The following HECW1 variants were observed in gnomAD, a reference collection of about 807,000 sequenced individuals.
HECW1 encodes the protein E3 ubiquitin-protein ligase HECW1.
A neutral mutation model predicts 182.3 loss-of-function variants in HECW1; 61 were observed. The ratio of observed to expected loss-of-function variants is 0.33; its 90% CI spans 0.27 to 0.41. The LOEUF (loss-of-function observed/expected upper bound fraction) is 0.41, where lower values mean the gene tolerates loss of function less well. HECW1 is among the 10% of genes least tolerant of loss of function. The pLI, the probability that HECW1 is intolerant of heterozygous loss-of-function variation, is 1.00. For synonymous variants in HECW1, 859 were observed against 832.6 expected (o/e 1.03, Z -0.55); for missense variants, 1,739 against 2,108.9 (o/e 0.82, Z 3.44).
At chr7:43,370,023 G>A (rs911088660) in intron 6 of HECW1, among the ~76,000 whole-genome samples, 1 of 152,164 alleles carries the variant, frequency 6.6e-6, no homozygotes, top group Non-Finnish European at 1.5e-5. Flanking sequence ...AAATGCAACG[G>A]CCAATAAACA....
chr7:43,452,558 A>G (rs1158735704), intron 12 of HECW1, among the ~76,000 whole-genome samples: 2 of 152,258 alleles, frequency 1.3e-5, no homozygotes, highest in African/African-American at 2.4e-5. Flanking sequence ...TCATTCATTC[A>G]ACAAATATTT....
rs114438099 is a variant in HECW1, at chr7:43,167,719, T to C, written c.-32+53328T>C. Among the ~76,000 whole-genome samples, 621 of 152,300 alleles carry C rather than the reference T, an allele frequency of 4.1e-3. 6 individuals carry two copies. The highest frequency in any genetic ancestry group is 0.014 in the African/African-American group (588 of 41,568). The stretch of plus-strand genomic sequence containing the variant: ...AATTTGCTTTCCACCCATGTAGGTA[T>C]CTTCTAGCATTAAGTTCTAGTTCAA... On this transcript the variant is annotated intron_variant, in intron 2 of 29. Coordinates refer to ENST00000395891, the MANE Select transcript of HECW1 (RefSeq NM_015052.5).
rs112291314 is a variant in HECW1, at chr7:43,168,984, A to G, written c.-32+54593A>G. 5.3e-3 allele frequency among the ~76,000 whole-genome samples: 808 copies of G among 152,314 alleles called. 6 individuals are homozygous for G. The highest frequency in any genetic ancestry group is 0.019 in the African/African-American group (775 of 41,568). On this transcript the variant is annotated intron_variant, in intron 2 of 29. Transcript: ENST00000395891. ...ATGGTGGCTTCTGAGAGCTTGGGTG[A>G]GGGGTGATTTCTTGGAGGACTTTAC... is the stretch of plus-strand genomic sequence containing the variant.
intron 5 of HECW1, among the ~76,000 whole-genome samples, chr7:43,360,311 A>G (rs1011699891): frequency 6.6e-6 from 1 of 151,946 alleles, no homozygotes; most frequent in African/African-American, 2.4e-5. Flanking sequence ...TCCTGAGCTC[A>G]AGTGATCCTC....
intron 6 of HECW1, among the ~76,000 whole-genome samples, chr7:43,385,322 C>T (rs1159196267): frequency 1.5e-5 from 2 of 132,154 alleles, no homozygotes; most frequent in African/African-American, 2.8e-5. Context: ...TGCGTACTGA[C>T]AGACAGGGTT....
chr7:43,554,851 ATTTGAT>A (rs2081967240), intron 29 of HECW1, 61 bp downstream of exon 29: 8 of 1,457,986 alleles, frequency 5.5e-6, no homozygotes, highest in Non-Finnish European at 7.5e-6. Flanking sequence ...ATACTTTGCT[ATTTGAT>A]TTTGAGTGAC....
intron 24 of HECW1, among the ~76,000 whole-genome samples, chr7:43,522,798 G>A (rs2080555194): frequency 6.6e-6 from 1 of 152,180 alleles, no homozygotes; most frequent in Non-Finnish European, 1.5e-5. Context: ...CGGAGCACAG[G>A]GAATGACAGC....
chr7:43,213,666 C>T (rs943953018), intron 2 of HECW1, among the ~76,000 whole-genome samples: 4 of 151,840 alleles, frequency 2.6e-5, no homozygotes, highest in Admixed American at 2.6e-4. Flanking sequence ...AGGATGGTCT[C>T]GATCTCCTGA....
chr7:43,552,318 A>G lies in HECW1; in HGVS notation c.4492A>G (p.Asn1498Asp). 6.2e-7 allele frequency: 1 copy of G among 1,610,464 alleles called. No individual in the cohort carries two copies. The part of the protein sequence containing the change: ...AEIDLNDWRN[N>D]TEYRGGYHDG... ...AATCGACCTAAATGACTGGCGGAAT[A>G]ACACTGAGTACCGGGGAGGTGAGTG... is the stretch of plus-strand genomic sequence containing the variant. Residue 1498 changes from asparagine to aspartate, a missense_variant, in exon 28 of 30, where the codon AAC becomes GAC. Around this residue, in one of 5 missense-constraint regions of HECW1, gnomAD observed 420 missense variants for 595.7 expected, o/e 0.71. Transcript: ENST00000395891.
chr7:43,546,219 C>CTTT (rs34255651), intron 26 of HECW1, among the ~76,000 whole-genome samples: 2,923 of 91,862 alleles, frequency 0.032, 149 homozygotes, highest in Non-Finnish European at 0.047. Flanking sequence ...TACCCCCAAC[C>CTTT]TTTTTTTTTT....
At chr7:43,165,524 CTG>C (rs763187281) in intron 2 of HECW1, among the ~76,000 whole-genome samples, 4 of 152,096 alleles carry the variant, frequency 2.6e-5, no homozygotes, top group Non-Finnish European at 5.9e-5. Flanking sequence ...GATGCTTACT[CTG>C]TGGAGTTTAG....
chr7:43,157,014 G>T (rs1211605094), intron 2 of HECW1, among the ~76,000 whole-genome samples: 1 of 152,186 alleles, frequency 6.6e-6, no homozygotes, highest in Non-Finnish European at 1.5e-5. Flanking sequence ...GCATAATTTA[G>T]CCTGTCCTGA....
chr7:43,289,155 G>A (rs979299407), intron 3 of HECW1, among the ~76,000 whole-genome samples: 1 of 148,456 alleles, frequency 6.7e-6, no homozygotes, highest in Non-Finnish European at 1.5e-5. Context: ...TCACCAGGCT[G>A]GAGTGCAGTG....
At chr7:43,413,772 C>T (rs1457588076) in intron 8 of HECW1, among the ~76,000 whole-genome samples, 11 of 135,614 alleles carry the variant, frequency 8.1e-5, no homozygotes, top group South Asian at 2.7e-4. Flanking sequence ...TGTAGGTATG[C>T]GGTGTTATTT....
chr7:43,510,815 T>C (rs546682960), intron 24 of HECW1, among the ~76,000 whole-genome samples: 1 of 152,270 alleles, frequency 6.6e-6, no homozygotes, highest in South Asian at 2.1e-4. Context: ...AAAACCTTGG[T>C]GTCAAGCATG....
At chr7:43,224,689 C>T (rs1797271532) in intron 2 of HECW1, among the ~76,000 whole-genome samples, 1 of 152,180 alleles carries the variant, frequency 6.6e-6, no homozygotes, top group Non-Finnish European at 1.5e-5. Context: ...GTGGCACACG[C>T]CTGTCATCCC....
Position 43,180,774 on chromosome 7 carries a change from C to T in HECW1, c.-31-63101C>T, listed in dbSNP as rs140263619. On this transcript the variant is annotated intron_variant, in intron 2 of 29. Coordinates refer to ENST00000395891, the MANE Select transcript of HECW1 (RefSeq NM_015052.5). ...AATGTGATGTCTCAGTACATGTGCACATTGTTTAATGAACAAATCAGGGTA... is the reference window on the plus strand; with the variant it reads ...AATGTGATGTCTCAGTACATGTGCATATTGTTTAATGAACAAATCAGGGTA... Among the ~76,000 whole-genome samples, 188 of 152,316 alleles carry T rather than the reference C, an allele frequency of 1.2e-3. 2 individuals carry two copies. Among genetic ancestry groups the T allele is most frequent in the Non-Finnish European group, 2.2e-3 (151 of 68,026 alleles).
intron 2 of HECW1, among the ~76,000 whole-genome samples, chr7:43,204,733 A>AG (rs1795304059): frequency 6.6e-6 from 1 of 152,178 alleles, no homozygotes; most frequent in Non-Finnish European, 1.5e-5. Flanking sequence ...AAGGAAGGTA[A>AG]GGGGGTGGTC....
chr7:43,115,299 C>CTCT (rs1554342990), intron 2 of HECW1, among the ~76,000 whole-genome samples: 17 of 138,192 alleles, frequency 1.2e-4, no homozygotes, highest in African/African-American at 4.3e-4. Flanking sequence ...TCAAACAGGT[C>CTCT]TTTTTTTTTT....
Sources: gnomAD v4.1 joint callset for allele counts (sites outside exome capture counted in the v4.1 genomes callset) on GRCh38, gnomAD v4.1.1 for gene constraint, gnomAD v4.1.1 regional missense constraint, MANE v1.5 for transcripts, NCBI Gene and HGNC (gene_info 2026-07-23, HGNC 2026-07-21) for gene names.